EXTL3: variants seen among roughly 807,000 people sequenced by gnomAD.
EXTL3 encodes the protein exostosin-like 3.
A neutral mutation model predicts 69.3 loss-of-function variants in EXTL3; 27 were observed. The ratio of observed to expected loss-of-function variants is 0.39; its 90% CI spans 0.29 to 0.54. EXTL3 has a LOEUF of 0.54. Ranked by LOEUF, EXTL3 falls within the 20% of genes least tolerant of loss-of-function variation. The probability of loss-of-function intolerance (pLI) is 0.69; values close to 1 mark genes in which losing one functional copy is unlikely to be tolerated. For missense variants in EXTL3, 1,003 were observed against 1,231.8 expected (o/e 0.81, Z 2.78); for synonymous variants, 511 against 499.4 (o/e 1.02, Z -0.31).
At chr8:28,665,757 T>G (rs1807187330) in intron 1 of EXTL3, among the ~76,000 whole-genome samples, 1 of 152,204 alleles carries the variant, frequency 6.6e-6, no homozygotes. Context: ...ATTTTTTTTC[T>G]TATGCCCTGT....
chr8:28,612,722 T>C (rs1806287372), intron 2 of EXTL3, among the ~76,000 whole-genome samples: 1 of 151,508 alleles, frequency 6.6e-6, no homozygotes, highest in Admixed American at 6.6e-5. Flanking sequence ...ATTACACAAA[T>C]TGACTTTTTT....
At chr8:28,670,397 T>C (rs1178825189) in intron 1 of EXTL3, among the ~76,000 whole-genome samples, 3 of 152,082 alleles carry the variant, frequency 2.0e-5, no homozygotes, top group Non-Finnish European at 4.4e-5. Context: ...AGATTTAGTA[T>C]AGAATTGACT....
Position 28,716,553 on chromosome 8 carries a change from A to C in EXTL3, c.494A>C (p.Asp165Ala). The C allele has an allele frequency of 6.2e-7, 1 of 1,614,182 alleles. No homozygotes were observed. The highest frequency in any genetic ancestry group is 8.5e-7 in the Non-Finnish European group (1 of 1,180,026). The change falls in exon 3 of 7, where the codon GAT becomes GCT. Residue 165 changes from aspartate to alanine, a missense_variant. Coordinates refer to ENST00000220562, the MANE Select transcript of EXTL3 (RefSeq NM_001440.4). This position sits in a 1 kb window ranked among gnomAD's most constrained non-coding sequence, Gnocchi z 7.1. ...ATCCGACTGCTCCCAGAGAAGGACG[A>C]TGCCGGCCTCCCTCCCCCGAAGGCC... The part of the protein sequence containing the change: ...LPIRLLPEKD[D>A]AGLPPPKATR...
chr8:28,697,118 G>T (rs1396373670), upstream of EXTL3: 1 of 152,184 alleles, frequency 6.6e-6, no homozygotes, highest in African/African-American at 2.4e-5. Flanking sequence ...CTTTCATGGT[G>T]TGAGGGCAGG....
intron 1 of EXTL3, among the ~76,000 whole-genome samples, chr8:28,660,810 G>C (rs1025113573): frequency 4.4e-5 from 6 of 136,226 alleles, no homozygotes; most frequent in African/African-American, 1.7e-4. Flanking sequence ...CCCATGCTAA[G>C]GAAATAGCCC....
intron 3 of EXTL3, among the ~76,000 whole-genome samples, chr8:28,726,879 CTTTTTTTTTTT>C (rs11458194): frequency 1.2e-4 from 12 of 99,932 alleles, no homozygotes; most frequent in South Asian, 3.5e-4. Flanking sequence ...CTTTTCTTTT[CTTTTTTTTTTT>C]TTTTTTTTTT....
chr8:28,703,599 C>T (rs143825022), intron 1 of EXTL3, among the ~76,000 whole-genome samples: 1,960 of 152,146 alleles, frequency 0.013, 14 homozygotes, highest in Non-Finnish European at 0.021. Context: ...GTCCTTGTCT[C>T]AGTTGAGACT....
intron 6 of EXTL3, among the ~76,000 whole-genome samples, chr8:28,748,088 G>A (rs1801926247): frequency 6.6e-6 from 1 of 152,122 alleles, no homozygotes; most frequent in Non-Finnish European, 1.5e-5. Flanking sequence ...AAACTTGACA[G>A]TAGGCTGGGC....
At chr8:28,610,793 C>T (rs918076383) in intron 2 of EXTL3, among the ~76,000 whole-genome samples, 6 of 149,424 alleles carry the variant, frequency 4.0e-5, no homozygotes, top group Non-Finnish European at 5.9e-5. Context: ...GGATGAAGTG[C>T]AGTGGTGCAA....
intron 5 of EXTL3, among the ~76,000 whole-genome samples, chr8:28,738,486 T>G (rs537810970): frequency 2.8e-4 from 43 of 152,354 alleles, no homozygotes; most frequent in African/African-American, 1.0e-3. Context: ...TTTTTAACGA[T>G]GTAGCTTCTA....
chr8:28,635,144 T>A (rs1405746908), intron 1 of EXTL3, among the ~76,000 whole-genome samples: 1 of 152,038 alleles, frequency 6.6e-6, no homozygotes, highest in Non-Finnish European at 1.5e-5. Context: ...ATGATGTTGA[T>A]GAATGGAAAC....
At chr8:28,636,879 C>G (rs1389852891) in intron 1 of EXTL3, among the ~76,000 whole-genome samples, 1 of 151,944 alleles carries the variant, frequency 6.6e-6, no homozygotes, top group African/African-American at 2.4e-5. Context: ...GGCATGGTGG[C>G]ATGTGCCTGT....
At chr8:28,662,469 T>C (rs957575910) in intron 1 of EXTL3, among the ~76,000 whole-genome samples, 1 of 152,224 alleles carries the variant, frequency 6.6e-6, no homozygotes, top group Non-Finnish European at 1.5e-5. Context: ...ATAAGTCCTA[T>C]TAAATAGGGA....
At chr8:28,703,990 A>G (rs1281878787) in intron 1 of EXTL3, among the ~76,000 whole-genome samples, 1 of 152,236 alleles carries the variant, frequency 6.6e-6, no homozygotes, top group Non-Finnish European at 1.5e-5. Flanking sequence ...TGTGAGCTCA[A>G]GAGGGACAGA....
intron 2 of EXTL3, among the ~76,000 whole-genome samples, chr8:28,610,250 T>C (rs1162089820): frequency 6.6e-6 from 1 of 152,062 alleles, no homozygotes; most frequent in Non-Finnish European, 1.5e-5. Context: ...TGTGTATGCA[T>C]GTGAAACAAT....
rs370924429 is a variant in EXTL3 at position 28,717,437 on chromosome 8, G to T, written c.1378G>T (p.Val460Phe). Residue 460 changes from valine to phenylalanine, a missense_variant, in exon 3 of 7, where the codon GTC becomes TTC. Physicochemically the swap from Val to Phe is conservative, Grantham distance 50. Around this residue, in one of 2 missense-constraint regions of EXTL3, gnomAD observed 742 missense variants for 815.4 expected, o/e 0.91. Coordinates refer to ENST00000220562, the MANE Select transcript of EXTL3 (RefSeq NM_001440.4). This position sits in a 1 kb window ranked among gnomAD's most constrained non-coding sequence, Gnocchi z 8.3. The stretch of plus-strand genomic sequence containing the variant: ...CTTCGAAGCCCTGGAAGTCGGTGCC[G>T]TCCCGGTGGTGCTGGGGGAGCAGGT... ...RLFEALEVGA[V>F]PVVLGEQVQL... 1.2e-6 allele frequency: 2 copies of T among 1,614,198 alleles called. No individual in the cohort carries two copies. The highest frequency in any genetic ancestry group is 1.7e-5 in the Admixed American group (1 of 60,028).
intron 1 of EXTL3, among the ~76,000 whole-genome samples, chr8:28,636,634 CCT>C (rs887760753): frequency 6.6e-6 from 1 of 152,164 alleles, no homozygotes; most frequent in Non-Finnish European, 1.5e-5. Flanking sequence ...GCCTAGGAAT[CCT>C]TTCGGCCACT....
intron 1 of EXTL3, among the ~76,000 whole-genome samples, chr8:28,682,452 T>C (rs1807505234): frequency 6.6e-6 from 1 of 152,184 alleles, no homozygotes; most frequent in Non-Finnish European, 1.5e-5. Context: ...ATTTTTATTT[T>C]ATTTTTTTGA....
chr8:28,726,669 C>A (rs895317723), intron 3 of EXTL3, among the ~76,000 whole-genome samples: 11 of 152,026 alleles, frequency 7.2e-5, no homozygotes, highest in African/African-American at 2.7e-4. Context: ...ATACTAGACG[C>A]AAGTAGCGCA....
Sources: allele counts gnomAD v4.1 joint callset (sites outside exome capture counted in the v4.1 genomes callset), GRCh38; gene constraint gnomAD v4.1.1; regional missense constraint gnomAD v4.1.1; non-coding constraint Gnocchi (gnomAD v3.1); transcripts MANE v1.5; gene names NCBI Gene and HGNC (gene_info 2026-07-23, HGNC 2026-07-21).